The following RPA3 variants were observed in gnomAD, a reference collection of about 807,000 sequenced individuals.
The protein encoded by RPA3 is replication protein A 14 kDa subunit.
A neutral mutation model predicts 13.7 loss-of-function variants in RPA3; 24 were observed. The observed-to-expected ratio is 1.75, with a 90% CI of 1.27 to 2.46. The LOEUF is 2.46. Ranked by LOEUF, RPA3 falls within the 30% of genes most tolerant of loss-of-function variation. The probability of loss-of-function intolerance (pLI) is 0.00; values close to 1 mark genes in which losing one functional copy is unlikely to be tolerated. For synonymous variants in RPA3, 59 were observed against 51.2 expected, an observed-to-expected ratio of 1.15 and a Z score of -0.65; for missense variants, 183 against 151.0, an observed-to-expected ratio of 1.21 and a Z score of -1.11.
chr7:7,676,042 T>A (rs1779729955), intron 4 of RPA3: 1 of 398,264 alleles, frequency 2.5e-6, no homozygotes, highest in Non-Finnish European at 4.4e-6. Context: ...ATGTCTCAGC[T>A]CTTACTTCCT....
chr7:7,667,754 T>C (rs918710793), intron 4 of RPA3, among the ~76,000 whole-genome samples: 4 of 152,146 alleles, frequency 2.6e-5, no homozygotes, highest in African/African-American at 9.7e-5. Context: ...TTGAGAAATA[T>C]TATATTAAAG....
intron 2 of RPA3, among the ~76,000 whole-genome samples, chr7:7,693,514 G>A (rs1780231232): frequency 2.6e-5 from 4 of 152,012 alleles, no homozygotes; most frequent in South Asian, 2.1e-4. Flanking sequence ...CCTGGATGTC[G>A]ATAGTTCTTT....
At chr7:7,653,759 G>C (rs1020646860) in intron 4 of RPA3, among the ~76,000 whole-genome samples, 1 of 152,164 alleles carries the variant, frequency 6.6e-6, no homozygotes, top group Non-Finnish European at 1.5e-5. Flanking sequence ...TAATGTCTTG[G>C]TTCTCCACCA....
intron 4 of RPA3, among the ~76,000 whole-genome samples, chr7:7,651,453 GCTGGGGC>G (rs1202825844): frequency 2.0e-5 from 3 of 152,190 alleles, no homozygotes; most frequent in African/African-American, 7.2e-5. Flanking sequence ...CAGGCTTGAG[GCTGGGGC>G]CTTTGCCAGG....
rs564104369 is a variant in RPA3 at position 7,718,596 on chromosome 7, TC to T, written c.-1162del. 1.1e-4 allele frequency: 16 copies of T among 152,346 alleles called. No homozygotes were observed. The East Asian group carries it at 2.7e-3, about 26-fold the overall frequency. 9.4% of individuals were successfully genotyped at this position (152,346 alleles called of 1,614,324 possible). The stretch of plus-strand genomic sequence containing the variant: ...AAAAATGTCCTCTTGGAGCCTCTTA[TC>T]TGAGTAGCTTCTGTGGATCTGATGA... On this transcript the variant is annotated 5_prime_UTR_variant, in exon 1 of 8. Coordinates refer to ENST00000223129, the MANE Select transcript of RPA3 (RefSeq NM_002947.5).
chr7:7,656,107 T>C (rs1223005097), intron 4 of RPA3, among the ~76,000 whole-genome samples: 1 of 152,098 alleles, frequency 6.6e-6, no homozygotes, highest in East Asian at 1.9e-4. Flanking sequence ...AGTACTGAGA[T>C]TACAGGCATG....
intron 2 of RPA3, among the ~76,000 whole-genome samples, chr7:7,690,505 C>CT (rs1422331977): frequency 6.6e-6 from 1 of 151,916 alleles, no homozygotes; most frequent in African/African-American, 2.4e-5. Context: ...TAAATGTTTA[C>CT]TTTTTTATTA....
At chr7:7,638,019 T>C in intron 6 of RPA3, 47 bp from the exon 7 acceptor site, 1 of 1,467,478 alleles carries the variant, frequency 6.8e-7, no homozygotes, top group Non-Finnish European at 9.5e-7. Context: ...ACATTTTCAG[T>C]TGACAATTAT....
chr7:7,647,182 T>C (rs1785117731), intron 4 of RPA3, among the ~76,000 whole-genome samples: 1 of 152,244 alleles, frequency 6.6e-6, no homozygotes, highest in Admixed American at 6.5e-5. Context: ...CACAAGTTTT[T>C]ATAAGCAGGT....
chr7:7,659,208 G>T (rs1219100758), intron 4 of RPA3, among the ~76,000 whole-genome samples: 1 of 151,342 alleles, frequency 6.6e-6, no homozygotes, highest in African/African-American at 2.4e-5. Context: ...CTTCTTTATT[G>T]GTCTTGCTAG....
In RPA3 at chr7:7,665,751, G is replaced by A. The variant is rs142010092; in HGVS notation, c.-758+20079C>T. ...ACTTTCTTTCACTGTACACTAGTTT[G>A]TATTTTTGAGAAGCTTATATAAATG... On this transcript the variant is annotated intron_variant, in intron 4 of 7. Coordinates refer to ENST00000223129, the MANE Select transcript of RPA3 (RefSeq NM_002947.5). 2.0e-5 allele frequency among the ~76,000 whole-genome samples: 3 copies of A among 150,644 alleles called. No individual in the cohort carries two copies. The East Asian group carries it at 5.9e-4, about 29-fold the overall frequency.
At chr7:7,652,500 G>A (rs1362028833) in intron 4 of RPA3, among the ~76,000 whole-genome samples, 6 of 152,214 alleles carry the variant, frequency 3.9e-5, no homozygotes, top group Non-Finnish European at 8.8e-5. Flanking sequence ...ACTAGAATGT[G>A]AGTAACATTT....
chr7:7,716,562 C>T (rs1057509191), intron 1 of RPA3, among the ~76,000 whole-genome samples: 2 of 152,234 alleles, frequency 1.3e-5, no homozygotes, highest in Admixed American at 1.3e-4. Flanking sequence ...CTCCACCTTC[C>T]CTTTTCTTTG....
At chr7:7,688,918 A>G (rs992694442) in intron 2 of RPA3, among the ~76,000 whole-genome samples, 3 of 152,204 alleles carry the variant, frequency 2.0e-5, no homozygotes, top group Non-Finnish European at 2.9e-5. Flanking sequence ...TCCAATGAAA[A>G]TAAGTCTTTG....
intron 4 of RPA3, among the ~76,000 whole-genome samples, chr7:7,649,158 C>CAAAAAAAAAAAAAAAAAAAA (rs34943326): frequency 2.3e-5 from 3 of 128,868 alleles, no homozygotes; most frequent in Non-Finnish European, 3.2e-5. Flanking sequence ...GACTCCATCT[C>CAAAAAAAAAAAAAAAAAAAA]AAAAAAAAAA....
chr7:7,700,583 A>G (rs1380601370), intron 2 of RPA3, among the ~76,000 whole-genome samples: 1 of 151,954 alleles, frequency 6.6e-6, no homozygotes, highest in Admixed American at 6.6e-5. Flanking sequence ...CAACAAACAA[A>G]CAAACAAACA....
At chr7:7,716,659 C>T (rs1019260824) in intron 1 of RPA3, among the ~76,000 whole-genome samples, 2 of 152,086 alleles carry the variant, frequency 1.3e-5, no homozygotes, top group South Asian at 2.1e-4. Flanking sequence ...GGGTGGAGGC[C>T]GGCGCGGCCG....
intron 2 of RPA3, among the ~76,000 whole-genome samples, chr7:7,705,070 T>TCC (rs1163926389): frequency 6.6e-6 from 1 of 152,178 alleles, no homozygotes; most frequent in Non-Finnish European, 1.5e-5. Flanking sequence ...TTTCTGGCAT[T>TCC]GTTATTATTC....
chr7:7,689,842 C>G (rs1227010748), intron 2 of RPA3, among the ~76,000 whole-genome samples: 2 of 152,034 alleles, frequency 1.3e-5, no homozygotes. Flanking sequence ...ATTGCTGGTA[C>G]CAAGGGAGAC....
Sources: gnomAD v4.1 joint callset for allele counts (sites outside exome capture counted in the v4.1 genomes callset) on GRCh38, gnomAD v4.1.1 for gene constraint, MANE v1.5 for transcripts, NCBI Gene and HGNC (gene_info 2026-07-23, HGNC 2026-07-21) for gene names.